The following SLC26A11 variants were observed in gnomAD, a reference collection of about 807,000 sequenced individuals.
SLC26A11 encodes sodium-independent sulfate anion transporter.
A neutral mutation model predicts 62.2 loss-of-function variants in SLC26A11; 58 were observed. That is an observed-to-expected ratio of 0.93 (90% CI 0.76 to 1.16). SLC26A11 has a LOEUF of 1.16. SLC26A11 is among the 50% of genes most tolerant of loss of function. SLC26A11 has a pLI of 0.00. For missense variants in SLC26A11, 790 were observed against 794.3 expected, an observed-to-expected ratio of 0.99 and a Z score of 0.06; for synonymous variants, 411 against 368.9, an observed-to-expected ratio of 1.11 and a Z score of -1.31.
intron 5 of SLC26A11, among the ~76,000 whole-genome samples, chr17:80,225,038 G>A (rs1259123267): frequency 6.6e-6 from 1 of 152,014 alleles, no homozygotes; most frequent in Non-Finnish European, 1.5e-5. Context: ...TTGGGTCTCA[G>A]GCGATGTAAA....
At chr17:80,249,109 G>A (rs779913805) in intron 15 of SLC26A11, 45 bp from the exon 16 acceptor site, 1 of 1,586,774 alleles carries the variant, frequency 6.3e-7, no homozygotes, top group African/African-American at 1.3e-5. Context: ...GAGCAGCTTT[G>A]GGCTGCTCTG....
chr17:80,220,639 G>GCCGCGTCCCTACCCGGGTCC (rs1326749086), intron 1 of SLC26A11, 143 bp downstream of exon 1: 6 of 278,562 alleles, frequency 2.2e-5, no homozygotes, highest in African/African-American at 1.3e-4. Flanking sequence ...CCACTCCCCC[G>GCCGCGTCCCTACCCGGGTCC]CCGCGTCCCT....
At position 80,227,842 on chromosome 17, in the gene SLC26A11, G is replaced by T. The variant is rs2042452970; in HGVS notation, c.618G>T (p.Leu206=). Residue 206 remains leucine (L), a synonymous_variant, in exon 7 of 18, where the codon CTG becomes CTT. Coordinates refer to ENST00000361193, the MANE Select transcript of SLC26A11 (RefSeq NM_001166347.2). Reference sequence around the variant, plus strand: ...GGGTAGGTGACGCCGTCCTGGGGCTGGTCTGCATGCTGCTGCTGCTGGTGC... The same window carrying T: ...GGGTAGGTGACGCCGTCCTGGGGCTTGTCTGCATGCTGCTGCTGCTGGTGC... The part of the protein sequence containing the change: ...ETRVGDAVLG[L]VCMLLLLVLK... The T allele has an allele frequency of 6.2e-7, 1 of 1,603,892 alleles. No individual in the cohort carries two copies. Among genetic ancestry groups the T allele is most frequent in the East Asian group, 2.2e-5 (1 of 44,866 alleles).
At chr17:80,221,322 G>A (rs961782557) in intron 2 of SLC26A11, 2 of 407,870 alleles carry the variant, frequency 4.9e-6, no homozygotes, top group Non-Finnish European at 8.3e-6. Context: ...GGATTTGCAC[G>A]GGGGGGATTC....
intron 10 of SLC26A11, among the ~76,000 whole-genome samples, chr17:80,243,013 GA>G (rs1205034789): frequency 3.3e-5 from 5 of 152,120 alleles, no homozygotes; most frequent in Non-Finnish European, 5.9e-5. Flanking sequence ...GGCCCAGTGT[GA>G]ATCTTAAATT....
rs2042487823 is a variant in SLC26A11 at position 80,228,881 on chromosome 17, G to A, written c.736+921G>A. ...ACCAGGGGTCCTTTGAGAAAGGGGTGGTGAGGGCTGCGTCGTGGAGGAGCA... is the reference window on the plus strand; with the variant it reads ...ACCAGGGGTCCTTTGAGAAAGGGGTAGTGAGGGCTGCGTCGTGGAGGAGCA... On this transcript the variant is annotated intron_variant, in intron 7 of 17. Coordinates refer to ENST00000361193, the MANE Select transcript of SLC26A11 (RefSeq NM_001166347.2). The surrounding 1 kb of genome is among the most constrained non-coding windows in gnomAD (Gnocchi z 4.1). Among the ~76,000 whole-genome samples the A allele has an allele frequency of 6.6e-6, 1 of 152,210 alleles. No homozygotes were observed.
chr17:80,236,179 C>T (rs927318821), intron 7 of SLC26A11, among the ~76,000 whole-genome samples: 2 of 152,146 alleles, frequency 1.3e-5, no homozygotes, highest in Non-Finnish European at 2.9e-5. Context: ...TCCCTTGTAA[C>T]CCTCTTTGTG....
At chr17:80,224,098 C>T (rs2042298078) in intron 5 of SLC26A11, among the ~76,000 whole-genome samples, 1 of 152,218 alleles carries the variant, frequency 6.6e-6, no homozygotes, top group Admixed American at 6.5e-5. Context: ...TTCCCCAAGC[C>T]AGGCCCTGTT....
At chr17:80,225,574 A>T (rs2042385555) in intron 5 of SLC26A11, 1 of 422,682 alleles carries the variant, frequency 2.4e-6, no homozygotes, top group African/African-American at 2.0e-5. Context: ...TTTATGAGAA[A>T]AGTAATTTAG....
intron 9 of SLC26A11, among the ~76,000 whole-genome samples, chr17:80,239,805 C>T (rs540311461): frequency 1.2e-4 from 18 of 152,294 alleles, no homozygotes; most frequent in Admixed American, 3.9e-4. Context: ...CCATCGTGCC[C>T]GGCCAGTTTT....
At position 80,224,410 on chromosome 17, in the gene SLC26A11, AGTGT is replaced by A. The variant is rs542845084; in HGVS notation, c.513+1075_513+1078del. ...GTGTGAGTGTATGAGTGTGAGAGTG[AGTGT>A]GAGTGAGTGAGAGTGGGTGTGGGTG... is the stretch of plus-strand genomic sequence containing the variant. On this transcript the variant is annotated intron_variant, in intron 5 of 17. Coordinates refer to ENST00000361193, the MANE Select transcript of SLC26A11 (RefSeq NM_001166347.2). 2.7e-3 allele frequency among the ~76,000 whole-genome samples: 348 copies of A among 128,274 alleles called. 3 individuals are homozygous for A. The highest frequency in any genetic ancestry group is 9.6e-3 in the African/African-American group (321 of 33,608). The allele number at this position is 128,274 out of a possible 152,430, so 84.2% of individuals were successfully genotyped here.
intron 3 of SLC26A11, 35 bp downstream of exon 3, chr17:80,221,829 A>C: frequency 1.3e-6 from 2 of 1,581,246 alleles, no homozygotes; most frequent in Non-Finnish European, 1.7e-6. Context: ...GCCATATCTC[A>C]GAAACAGTGC....
chr17:80,242,964 C>T (rs1293706760), intron 10 of SLC26A11, among the ~76,000 whole-genome samples: 2 of 152,196 alleles, frequency 1.3e-5, no homozygotes, highest in African/African-American at 4.8e-5. Flanking sequence ...GCCTTGGCCT[C>T]CCAAAGTGCT....
chr17:80,221,827 T>C (rs2042213474), intron 3 of SLC26A11, 33 bp downstream of exon 3: 1 of 1,582,176 alleles, frequency 6.3e-7, no homozygotes, highest in Non-Finnish European at 8.6e-7. Context: ...CAGCCATATC[T>C]CAGAAACAGT....
At chr17:80,241,622 C>A in intron 9 of SLC26A11, 149 bp from the exon 10 acceptor site, 1 of 799,598 alleles carries the variant, frequency 1.3e-6, no homozygotes, top group Non-Finnish European at 2.1e-6. Context: ...TTTACACGCA[C>A]ATATATGTGA....
chr17:80,224,264 C>CGT (rs898416000), intron 5 of SLC26A11, among the ~76,000 whole-genome samples: 1 of 124,984 alleles, frequency 8.0e-6, no homozygotes, highest in Admixed American at 8.6e-5. Flanking sequence ...TGAGTGTGTG[C>CGT]GTGTGTGAGT....
intron 8 of SLC26A11, 192 bp downstream of exon 8, chr17:80,237,295 CGTTTGT>C (rs1567957059): frequency 2.5e-6 from 2 of 802,614 alleles, no homozygotes; most frequent in East Asian, 5.4e-5. Flanking sequence ...AGGGATGTCA[CGTTTGT>C]GTTCAGGGGC....
At position 80,228,320 on chromosome 17, in the gene SLC26A11, A is replaced by G. The variant is rs1286424571; in HGVS notation, c.736+360A>G. Among the ~76,000 whole-genome samples the G allele has an allele frequency of 6.6e-6, 1 of 152,034 alleles. No homozygotes were observed. The highest frequency in any genetic ancestry group is 6.5e-5 in the Admixed American group (1 of 15,274). On this transcript the variant is annotated intron_variant, in intron 7 of 17. Transcript: ENST00000361193. This position sits in a 1 kb window ranked among gnomAD's most constrained non-coding sequence, Gnocchi z 4.1. ...ACTGATTTTTGTATTTATAGTAGAG[A>G]CGGGGTTTCACCATGTTGACCATAC...
At chr17:80,238,811 G>GGTTTTTTTTTTTTTTT (rs1555629117) in intron 9 of SLC26A11, among the ~76,000 whole-genome samples, 11 of 123,224 alleles carry the variant, frequency 8.9e-5, no homozygotes, top group African/African-American at 3.8e-4. Context: ...CTTCAAAGGA[G>GGTTTTTTTTTTTTTTT]TTTTTTTTGT....
Sources: gnomAD v4.1 joint callset for allele counts (sites outside exome capture counted in the v4.1 genomes callset) on GRCh38, gnomAD v4.1.1 for gene constraint, Gnocchi (gnomAD v3.1) non-coding constraint, MANE v1.5 for transcripts, NCBI Gene and HGNC (gene_info 2026-07-23, HGNC 2026-07-21) for gene names.